The following ZC3H18 variants were observed in gnomAD, a reference collection of about 807,000 sequenced individuals.
The protein encoded by ZC3H18 is zinc finger CCCH domain-containing protein 18.
In ZC3H18, 8 loss-of-function variants were observed where a neutral mutation model predicts 106.1. That is an observed-to-expected ratio of 0.08 (90% CI 0.04 to 0.14). The LOEUF (loss-of-function observed/expected upper bound fraction) is 0.14, where lower values mean the gene tolerates loss of function less well. Ranked by LOEUF, ZC3H18 falls within the 10% of genes least tolerant of loss-of-function variation. The pLI is 1.00. For synonymous variants in ZC3H18, 635 were observed against 522.1 expected (o/e 1.22, Z -2.95); for missense variants, 1,318 against 1,278.4 (o/e 1.03, Z -0.47).
chr16:88,620,016 C>T (rs115359402), intron 8 of ZC3H18, among the ~76,000 whole-genome samples: 89 of 152,328 alleles, frequency 5.8e-4, no homozygotes, highest in African/African-American at 2.1e-3. Context: ...GGGTTTTGGG[C>T]TGACGTACAG....
chr16:88,599,349 G>C (rs1003244913), intron 5 of ZC3H18, among the ~76,000 whole-genome samples: 3 of 152,216 alleles, frequency 2.0e-5, no homozygotes, highest in Non-Finnish European at 2.9e-5. Context: ...CTTCAGCTCT[G>C]GGGACCACTC....
In ZC3H18 at chr16:88,592,505, C is replaced by T. The variant is rs566884465; in HGVS notation, c.689-5673C>T. ...TTTTACTTTTGTGAGATACAGTCTCCCTCTGTTGCCCAGGCTGGAGTGCAA... is the reference window on the plus strand; with the variant it reads ...TTTTACTTTTGTGAGATACAGTCTCTCTCTGTTGCCCAGGCTGGAGTGCAA... On this transcript the variant is annotated intron_variant, in intron 3 of 17. Transcript: ENST00000301011. Among the ~76,000 whole-genome samples, 3 of 152,064 alleles carry T rather than the reference C, an allele frequency of 2.0e-5. No homozygotes were observed. In the East Asian group the frequency reaches 5.8e-4, roughly 29 times the overall value.
chr16:88,594,336 G>A (rs1009252342), intron 3 of ZC3H18, among the ~76,000 whole-genome samples: 1 of 151,974 alleles, frequency 6.6e-6, no homozygotes, highest in Non-Finnish European at 1.5e-5. Flanking sequence ...TTCTAATATC[G>A]TACGTATCAA....
chr16:88,587,543 T>C (rs1407072326), intron 3 of ZC3H18: 3 of 1,535,974 alleles, frequency 2.0e-6, no homozygotes, highest in African/African-American at 1.4e-5. Context: ...CTTTTCCAGA[T>C]GTTGTGACAC....
Position 88,622,382 on chromosome 16 carries a change from C to A in ZC3H18, c.1661C>A (p.Ser554Tyr). ...TSASSASASNSSRSSSRSSSY... is the reference protein window; with the variant it reads ...TSASSASASNYSRSSSRSSSY... ...GCCTCGTCAGCCTCTGCCTCTAATT[C>A]CTCCAGGTAAGGAGGGCTCGTGGGA... is the stretch of plus-strand genomic sequence containing the variant. Residue 554 changes from serine to tyrosine, a missense_variant, in exon 9 of 18, where the codon TCC (serine) becomes TAC (tyrosine). Ser to Tyr is a moderately radical substitution (Grantham distance 144). Around this residue, in one of 6 missense-constraint regions of ZC3H18, gnomAD observed 848 missense variants for 821.7 expected, o/e 1.03. Transcript: ENST00000301011. 6.2e-7 allele frequency: 1 copy of A among 1,607,888 alleles called. No individual in the cohort carries two copies. Among genetic ancestry groups the A allele is most frequent in the Non-Finnish European group, 8.5e-7 (1 of 1,176,510 alleles).
chr16:88,628,546 C>A (rs1189972495), intron 15 of ZC3H18: 1 of 530,828 alleles, frequency 1.9e-6, no homozygotes, highest in Non-Finnish European at 3.5e-6. Context: ...CAGGGTGCTT[C>A]CCCTGGAACG....
Position 88,572,688 on chromosome 16 carries a change from C to G in ZC3H18, c.-15+2122C>G, listed in dbSNP as rs188048884. On this transcript the variant is annotated intron_variant, in intron 1 of 17. Transcript: ENST00000301011. ...AACGTGGGTATCAGTTGAGACTCTT[C>G]TACTGACACCCCTGTCTACACTTCT... Among the ~76,000 whole-genome samples, 20 of 152,038 alleles carry G rather than the reference C, an allele frequency of 1.3e-4. 1 individual carries two copies. Among genetic ancestry groups the G allele is most frequent in the Non-Finnish European group, 2.2e-4 (15 of 67,938 alleles).
intron 8 of ZC3H18, among the ~76,000 whole-genome samples, chr16:88,613,687 T>C (rs1428898854): frequency 2.0e-5 from 3 of 152,250 alleles, no homozygotes; most frequent in African/African-American, 7.2e-5. Context: ...TTTTGTTTTT[T>C]ATTATTGAGT....
At chr16:88,629,172 C>A (rs1355708068) in intron 16 of ZC3H18, among the ~76,000 whole-genome samples, 1 of 152,058 alleles carries the variant, frequency 6.6e-6, no homozygotes, top group African/African-American at 2.4e-5. Flanking sequence ...AACCCTGTCT[C>A]TACTAAAAAT....
At chr16:88,581,320 C>A (rs1283098395) in intron 2 of ZC3H18, among the ~76,000 whole-genome samples, 1 of 152,206 alleles carries the variant, frequency 6.6e-6, no homozygotes, top group African/African-American at 2.4e-5. Flanking sequence ...AGCGCTTTCT[C>A]TTCTCTCAGG....
intron 6 of ZC3H18, among the ~76,000 whole-genome samples, chr16:88,604,142 G>A (rs566027702): frequency 2.1e-4 from 32 of 152,082 alleles, no homozygotes; most frequent in African/African-American, 7.2e-4. Flanking sequence ...AGTTGAGCTC[G>A]GGAGTTGAAG....
In ZC3H18 at chr16:88,622,198, C is replaced by T. The variant is rs370061345; in HGVS notation, c.1477C>T (p.Arg493Cys). ...TTGCTAATGCCTCTGTAATTTCAGC[C>T]GCCAAGCTGAGCCACCAAAGAAGGA... ...PKPRSPQPPS[R>C]QAEPPKKEAA... The change falls in exon 9 of 18, where the codon CGC (arginine) becomes TGC (cysteine). Residue 493 changes from arginine (R) to cysteine (C), a missense_variant and splice_region_variant. By Grantham distance (180) the Arg-to-Cys change is radical. Around this residue, in one of 6 missense-constraint regions of ZC3H18, gnomAD observed 848 missense variants for 821.7 expected, o/e 1.03. Coordinates refer to ENST00000301011, the MANE Select transcript of ZC3H18 (RefSeq NM_144604.4). 1.9e-5 allele frequency: 31 copies of T among 1,606,662 alleles called. No homozygotes were observed. In the South Asian group the frequency reaches 2.5e-4, roughly 13 times the overall value.
intron 3 of ZC3H18, 123 bp downstream of exon 3, chr16:88,586,807 AGGTGGTGGTGGTGGT>A (rs113134808): frequency 3.8e-5 from 19 of 493,932 alleles, no homozygotes; most frequent in Middle Eastern, 1.0e-3. Flanking sequence ...ATTACTGGCT[AGGTGGTGGTGGTGGT>A]GGTGGTGGTG....
chr16:88,573,392 C>T (rs762765425), intron 1 of ZC3H18, among the ~76,000 whole-genome samples: 2 of 152,058 alleles, frequency 1.3e-5, no homozygotes, highest in African/African-American at 4.8e-5. Flanking sequence ...GACTTACTGC[C>T]ACAACCCCAC....
At chr16:88,572,833 C>G (rs904311555) in intron 1 of ZC3H18, among the ~76,000 whole-genome samples, 10 of 152,194 alleles carry the variant, frequency 6.6e-5, no homozygotes, top group Admixed American at 4.6e-4. Flanking sequence ...TCTCGGCTCA[C>G]TGCAACCTCC....
At chr16:88,611,771 C>T (rs934591899) in intron 8 of ZC3H18, among the ~76,000 whole-genome samples, 19 of 152,258 alleles carry the variant, frequency 1.2e-4, no homozygotes, top group African/African-American at 4.6e-4. Flanking sequence ...AGGCTGTTCT[C>T]ATTCTAGAGG....
intron 8 of ZC3H18, among the ~76,000 whole-genome samples, chr16:88,614,602 G>A (rs1267992050): frequency 1.3e-5 from 2 of 152,170 alleles, no homozygotes; most frequent in Admixed American, 6.5e-5. Context: ...CCTAACACTA[G>A]GCAAAGTAAT....
intron 8 of ZC3H18, among the ~76,000 whole-genome samples, chr16:88,616,794 C>T (rs1905636429): frequency 6.6e-6 from 1 of 152,060 alleles, no homozygotes; most frequent in Admixed American, 6.6e-5. Context: ...AAGATTCTGC[C>T]TTCAGCTACC....
intron 6 of ZC3H18, among the ~76,000 whole-genome samples, chr16:88,604,239 C>G (rs1226918208): frequency 6.6e-6 from 1 of 151,934 alleles, no homozygotes; most frequent in Non-Finnish European, 1.5e-5. Flanking sequence ...GTAGTCCCAG[C>G]TACTCAAGAG....
Sources: gnomAD v4.1 joint callset for allele counts (sites outside exome capture counted in the v4.1 genomes callset) on GRCh38, gnomAD v4.1.1 for gene constraint, gnomAD v4.1.1 regional missense constraint, MANE v1.5 for transcripts, NCBI Gene and HGNC (gene_info 2026-07-23, HGNC 2026-07-21) for gene names.